Variants in TMCO1 observed in about 807,000 individuals in gnomAD.
TMCO1 encodes the protein transmembrane and coiled-coil domains 1.
TMCO1 carries 29 observed loss-of-function variants against 29.3 expected under a neutral mutation model. That is an observed-to-expected ratio of 0.99 (90% CI 0.74 to 1.35). TMCO1 has a LOEUF of 1.35. Ranked by LOEUF, TMCO1 falls within the 40% of genes most tolerant of loss-of-function variation. TMCO1 has a pLI of 0.00. For missense variants in TMCO1, 173 were observed against 225.5 expected (o/e 0.77, Z 1.49); for synonymous variants, 80 against 77.1 (o/e 1.04, Z -0.20).
At chr1:165,726,792 T>C (rs914262824), downstream of TMCO1, 5 of 453,406 alleles carry the variant, frequency 1.1e-5, no homozygotes, top group Middle Eastern at 6.8e-4. Flanking sequence ...TCAACTCTCT[T>C]AGTTTTGTAT....
chr1:165,768,505 A>G, intron 1 of TMCO1, 177 bp downstream of exon 1: 2 of 1,546,560 alleles, frequency 1.3e-6, no homozygotes, highest in Admixed American at 2.0e-5. Context: ...AAACTCGGCA[A>G]TCGACTCCAT....
At chr1:165,726,182 T>G, downstream of TMCO1, 1 of 694,760 alleles carries the variant, frequency 1.4e-6, no homozygotes, top group African/African-American at 1.8e-5. Flanking sequence ...GAATTATTAT[T>G]TTGCTTAGAG....
Position 165,727,947 on chromosome 1 carries a change from C to T in TMCO1, c.*76G>A, listed in dbSNP as rs950859904. The T allele has an allele frequency of 1.3e-5, 15 of 1,143,022 alleles. No individual in the cohort carries two copies. The highest frequency in any genetic ancestry group is 5.4e-5 in the Admixed American group (3 of 55,568). 70.8% of individuals were successfully genotyped at this position (1,143,022 alleles called of 1,614,324 possible). A position where few individuals can be genotyped will look rare whatever the true frequency, so the allele number is the denominator to read the frequency against. On this transcript the variant is annotated 3_prime_UTR_variant, in exon 7 of 7. Transcript: ENST00000367881. Reference sequence around the variant, plus strand: ...GCCCAAGTAGTAAGGCTACCTATGGCTCTTGCTACAAAACAGTTGCCAGTC... The same window carrying T: ...GCCCAAGTAGTAAGGCTACCTATGGTTCTTGCTACAAAACAGTTGCCAGTC...
At chr1:165,760,175 C>A (rs927561403) in intron 2 of TMCO1, among the ~76,000 whole-genome samples, 2 of 152,190 alleles carry the variant, frequency 1.3e-5, no homozygotes, top group East Asian at 3.8e-4. Flanking sequence ...CCTATAACCC[C>A]AGCACTTTGG....
intron 2 of TMCO1, among the ~76,000 whole-genome samples, chr1:165,763,407 G>A (rs1378401372): frequency 6.6e-6 from 1 of 152,146 alleles, no homozygotes; most frequent in African/African-American, 2.4e-5. Context: ...CACATAGCAA[G>A]CAATCAAATA....
At chr1:165,732,420 T>C (rs1246182040) in intron 6 of TMCO1, among the ~76,000 whole-genome samples, 1 of 146,388 alleles carries the variant, frequency 6.8e-6, no homozygotes, top group Non-Finnish European at 1.5e-5. Context: ...TAAAAAATCG[T>C]GTAACAGGCC....
chr1:165,732,499 CTCTCTCTATA>C (rs994807129), intron 6 of TMCO1, among the ~76,000 whole-genome samples: 2 of 141,236 alleles, frequency 1.4e-5, no homozygotes, highest in African/African-American at 5.8e-5. Flanking sequence ...CTCTCTCTCT[CTCTCTCTATA>C]TATATATATA....
chr1:165,761,335 G>T (rs1249459465), intron 2 of TMCO1, among the ~76,000 whole-genome samples: 4 of 152,018 alleles, frequency 2.6e-5, no homozygotes, highest in African/African-American at 9.7e-5. Context: ...AGGAGTTTGG[G>T]ATCAGCCTGG....
chr1:165,744,980 A>C (rs1042166339), intron 5 of TMCO1, among the ~76,000 whole-genome samples: 4 of 151,760 alleles, frequency 2.6e-5, no homozygotes, highest in Non-Finnish European at 4.4e-5. Flanking sequence ...TTTTCCTTAA[A>C]GCATCTGCCA....
rs1388017544 is a variant in TMCO1 at position 165,727,387 on chromosome 1, T to C, written c.*636A>G. ...GTTCCTTTCCACTCTTGCTTTCCAA[T>C]TCCTACACCAAGACAACTCTGTATT... On this transcript the variant is annotated 3_prime_UTR_variant, in exon 7 of 7. Transcript: ENST00000367881. 2.2e-6 allele frequency: 1 copy of C among 453,964 alleles called. No homozygotes were observed. The highest frequency in any genetic ancestry group is 4.4e-6 in the Non-Finnish European group (1 of 226,798). The allele number at this position is 453,964 out of a possible 1,614,324, so 28.1% of individuals were successfully genotyped here. A position where few individuals can be genotyped will look rare whatever the true frequency, so the allele number is the denominator to read the frequency against.
chr1:165,760,432 CAAA>C (rs11356353), intron 2 of TMCO1, among the ~76,000 whole-genome samples: 3,346 of 133,524 alleles, frequency 0.025, 112 homozygotes, highest in African/African-American at 0.086. Flanking sequence ...CTCTGTTTCT[CAAA>C]AAAAAAAAAA....
rs758191413 is a variant in TMCO1, at chr1:165,768,850, C to G, written c.-99G>C. 4 of 1,580,102 alleles carry G rather than the reference C, an allele frequency of 2.5e-6. No individual in the cohort carries two copies. Among genetic ancestry groups the G allele is most frequent in the Admixed American group, 1.9e-5 (1 of 53,700 alleles). ...CGGCTTCCGTAGACTCCGCCACCAC[C>G]GAGTAACAGACCAACTCTGACAGCC... On this transcript the variant is annotated 5_prime_UTR_variant, in exon 1 of 7. Transcript: ENST00000367881.
At position 165,743,278 on chromosome 1, in the gene TMCO1, A is replaced by T; in HGVS notation, c.357T>A (p.Phe119Leu). Residue 119 changes from phenylalanine to leucine, a missense_variant, in exon 6 of 7, where the codon TTT becomes TTA. Coordinates refer to ENST00000367881, the MANE Select transcript of TMCO1 (RefSeq NM_019026.6). ...FDGRVVAKLP[F>L]TPLSYIQGLS... is the part of the protein sequence containing the mutation. ...GTCCTTGGATGTAAGAAAGAGGGGT[A>T]AAAGGAAGCTTTGCCACCACTCTAC... 1 of 1,613,944 alleles carries T rather than the reference A, an allele frequency of 6.2e-7. No homozygotes were observed. Among genetic ancestry groups the T allele is most frequent in the Non-Finnish European group, 8.5e-7 (1 of 1,179,946 alleles).
In TMCO1 at chr1:165,763,539, T is replaced by C. The variant is rs1167471620; in HGVS notation, c.149-3955A>G. Among the ~76,000 whole-genome samples, 3 of 152,350 alleles carry C rather than the reference T, an allele frequency of 2.0e-5. No homozygotes were observed. The South Asian group carries it at 6.2e-4, about 32-fold the overall frequency. On this transcript the variant is annotated intron_variant, in intron 2 of 6. Coordinates refer to ENST00000367881, the MANE Select transcript of TMCO1 (RefSeq NM_019026.6). ...TCATTCCAATCATCAACCTACCTCA[T>C]ACTTACCTTCAAAGGAAGCATATGA... is the stretch of plus-strand genomic sequence containing the variant.
chr1:165,768,647 GACTGAT>G (rs1652673188), intron 1 of TMCO1, 29 bp downstream of exon 1: 1 of 1,613,872 alleles, frequency 6.2e-7, no homozygotes, highest in South Asian at 1.1e-5. Flanking sequence ...TCCTCCCGGG[GACTGAT>G]CAAACGTCTG....
chr1:165,753,849 A>G (rs1652087617), intron 4 of TMCO1, among the ~76,000 whole-genome samples: 1 of 152,174 alleles, frequency 6.6e-6, no homozygotes, highest in South Asian at 2.1e-4. Flanking sequence ...AGACAGTAAT[A>G]AAAGCCATTT....
At chr1:165,754,419 G>A (rs1450589143) in intron 3 of TMCO1, 145 bp from the exon 4 acceptor site, 4 of 645,642 alleles carry the variant, frequency 6.2e-6, no homozygotes, top group South Asian at 1.8e-5. Context: ...GATAGTATAC[G>A]TTTTGTACTC....
chr1:165,768,486 G>A, intron 1 of TMCO1, 196 bp downstream of exon 1: 2 of 1,543,144 alleles, frequency 1.3e-6, no homozygotes, highest in Non-Finnish European at 1.7e-6. Context: ...ATCTACCTGA[G>A]ACCAAAGAAA....
intron 6 of TMCO1, among the ~76,000 whole-genome samples, chr1:165,741,137 C>G (rs1186076770): frequency 2.0e-5 from 3 of 152,196 alleles, no homozygotes; most frequent in African/African-American, 4.8e-5. Context: ...TATTCCCAGT[C>G]TCTTAGTGAA....
Sources: gnomAD v4.1 joint callset for allele counts (sites outside exome capture counted in the v4.1 genomes callset) on GRCh38, gnomAD v4.1.1 for gene constraint, MANE v1.5 for transcripts, NCBI Gene and HGNC (gene_info 2026-07-23, HGNC 2026-07-21) for gene names.